CYFIP2: variants seen among roughly 807,000 people sequenced by gnomAD.
CYFIP2 encodes the protein cytoplasmic FMR1 interacting protein 2, also known as cytoplasmic FMR1-interacting protein 2.
A neutral mutation model predicts 158.7 loss-of-function variants in CYFIP2; 29 were observed. That is an observed-to-expected ratio of 0.18 (90% CI 0.14 to 0.25). The LOEUF is 0.25. Among genes scored for constraint, CYFIP2 ranks in the 10% least tolerant of loss-of-function variants. The pLI, the probability that CYFIP2 is intolerant of heterozygous loss-of-function variation, is 1.00. For missense variants in CYFIP2, 852 were observed against 1,639.5 expected (o/e 0.52, Z 8.29); for synonymous variants, 585 against 617.6 (o/e 0.95, Z 0.78).
chr5:157,374,889 G>A (rs1765317357), intron 26 of CYFIP2, among the ~76,000 whole-genome samples: 1 of 152,218 alleles, frequency 6.6e-6, no homozygotes, highest in Non-Finnish European at 1.5e-5. Context: ...CTTTGCTGAT[G>A]CATCAACTGC....
In CYFIP2 at chr5:157,326,667, G is replaced by C. The variant is rs1222748734; in HGVS notation, c.2079+400G>C. 3.3e-5 allele frequency among the ~76,000 whole-genome samples: 5 copies of C among 152,242 alleles called. No individual in the cohort carries two copies. The East Asian group carries it at 5.8e-4, about 18-fold the overall frequency. On this transcript the variant is annotated intron_variant, in intron 18 of 30. Coordinates refer to ENST00000620254, the MANE Select transcript of CYFIP2 (RefSeq NM_001037333.3). ...GAAGAGAGCACGTGGCCCTGGAAGA[G>C]GCTTGAGCCGCCTGTAGAAGGCTTC...
intron 16 of CYFIP2, 117 bp from the exon 17 acceptor site, chr5:157,325,365 T>C (rs1760942053): frequency 8.7e-7 from 1 of 1,154,238 alleles, no homozygotes. Context: ...TAATCAATAT[T>C]AGTACCTGCT....
chr5:157,300,695 C>G lies in CYFIP2; in HGVS notation c.388-20C>G. On this transcript the variant is annotated intron_variant, in intron 5 of 30. Coordinates refer to ENST00000620254, the MANE Select transcript of CYFIP2 (RefSeq NM_001037333.3). ...ATAAGGGAGCACAGTGGACCTTACT[C>G]ACTGCCCCTCTGCCCCCAGCGCAAG... is the stretch of plus-strand genomic sequence containing the variant. 1 of 1,546,300 alleles carries G rather than the reference C, an allele frequency of 6.5e-7. No homozygotes were observed. The highest frequency in any genetic ancestry group is 8.7e-7 in the Non-Finnish European group (1 of 1,143,724).
chr5:157,338,190 T>A (rs552447984), intron 21 of CYFIP2, among the ~76,000 whole-genome samples: 3 of 152,346 alleles, frequency 2.0e-5, no homozygotes, highest in South Asian at 2.1e-4. Context: ...CATGTCCTGC[T>A]GTGTGCAGAT....
chr5:157,364,499 T>G (rs1416387839), intron 26 of CYFIP2: 1 of 152,178 alleles, frequency 6.6e-6, no homozygotes, highest in East Asian at 1.9e-4. Flanking sequence ...GTGAGAAAAC[T>G]GAGAACCAGA....
At position 157,387,143 on chromosome 5, in the gene CYFIP2, A is replaced by G. The variant is rs184053474; in HGVS notation, c.3208-2046A>G. Among the ~76,000 whole-genome samples the G allele has an allele frequency of 4.8e-3, 738 of 152,360 alleles. 10 individuals carry two copies. The highest frequency in any genetic ancestry group is 0.017 in the African/African-American group (687 of 41,586). On this transcript the variant is annotated intron_variant, in intron 28 of 30. Coordinates refer to ENST00000620254, the MANE Select transcript of CYFIP2 (RefSeq NM_001037333.3). ...TAATATGACTCAAATTGTTAAATAT[A>G]CATGTATACATTCACATACCTAAAC...
intron 5 of CYFIP2, among the ~76,000 whole-genome samples, chr5:157,298,397 T>C (rs1758426640): frequency 6.6e-6 from 1 of 152,138 alleles, no homozygotes; most frequent in Admixed American, 6.5e-5. Flanking sequence ...GGTGACACTA[T>C]CTCGGCTCAC....
chr5:157,286,756 G>A (rs1757426803), intron 2 of CYFIP2, among the ~76,000 whole-genome samples: 1 of 152,146 alleles, frequency 6.6e-6, no homozygotes, highest in South Asian at 2.1e-4. Flanking sequence ...GGCTTGTGGA[G>A]TTTAAGCATC....
Position 157,373,369 on chromosome 5 carries a change from CCAAGAACACCCCTT to C in CYFIP2, c.3040-9218_3040-9205del, listed in dbSNP as rs1765169244. ...ACCTTGGCCTTGTAATTCAAGGGCA[CCAAGAACACCCCTT>C]CAGCCCCCCAGAAAGAGCACTGCCA... is the stretch of plus-strand genomic sequence containing the variant. On this transcript the variant is annotated intron_variant, in intron 26 of 30. Coordinates refer to ENST00000620254, the MANE Select transcript of CYFIP2 (RefSeq NM_001037333.3). Among the ~76,000 whole-genome samples, 3 of 152,278 alleles carry C rather than the reference CCAAGAACACCCCTT, an allele frequency of 2.0e-5. No individual in the cohort carries two copies. In the South Asian group the frequency reaches 6.2e-4, roughly 32 times the overall value.
chr5:157,308,455 A>C (rs1040033227), intron 9 of CYFIP2, among the ~76,000 whole-genome samples: 1 of 152,164 alleles, frequency 6.6e-6, no homozygotes, highest in Non-Finnish European at 1.5e-5. Context: ...AAAAATTTGC[A>C]GTTAAACTAA....
chr5:157,343,096 G>A (rs773523721), intron 23 of CYFIP2: 36 of 1,614,078 alleles, frequency 2.2e-5, no homozygotes, highest in Non-Finnish European at 3.0e-5. Flanking sequence ...GGCCAGCCCT[G>A]TAAGACCATC....
chr5:157,395,529 G>A lies in CYFIP2; in HGVS notation c.*2529G>A, dbSNP rs1406816525. On this transcript the variant is annotated 3_prime_UTR_variant, in exon 31 of 31. Coordinates refer to ENST00000620254, the MANE Select transcript of CYFIP2 (RefSeq NM_001037333.3). ...ATGATATTTTGATTTGTATTTTGGG[G>A]GTACCTGTGTTGAGTTGATAAACAT... is the stretch of plus-strand genomic sequence containing the variant. The A allele has an allele frequency of 8.9e-5, 75 of 842,074 alleles. No individual in the cohort carries two copies. The highest frequency in any genetic ancestry group is 1.2e-4 in the Non-Finnish European group (72 of 584,656). 52.2% of individuals were successfully genotyped at this position (842,074 alleles called of 1,614,324 possible). A position where few individuals can be genotyped will look rare whatever the true frequency, so the allele number is the denominator to read the frequency against.
At chr5:157,314,209 T>C (rs1759956711) in intron 11 of CYFIP2, 135 bp from the exon 12 acceptor site, 2 of 1,167,690 alleles carry the variant, frequency 1.7e-6, no homozygotes, top group East Asian at 5.6e-5. Context: ...GCAAGGCACT[T>C]GTCTGAGCCT....
At position 157,341,106 on chromosome 5, in the gene CYFIP2, A is replaced by G; in HGVS notation, c.2622A>G (p.Pro874=). 6.2e-7 allele frequency: 1 copy of G among 1,614,028 alleles called. No homozygotes were observed. Among genetic ancestry groups the G allele is most frequent in the Non-Finnish European group, 8.5e-7 (1 of 1,179,880 alleles). Residue 874 remains proline, a synonymous_variant, in exon 23 of 31, where the codon CCA becomes CCG. Transcript: ENST00000620254. ...CTGCCATTCCTTTCACCCAAGAACC[A>G]CAACGAGACAAACCTGCCAACGTCC... is the stretch of plus-strand genomic sequence containing the variant. ...VRTAIPFTQE[P]QRDKPANVQP... is the part of the protein sequence containing the mutation.
intron 26 of CYFIP2, among the ~76,000 whole-genome samples, chr5:157,381,748 G>A (rs1468777901): frequency 6.6e-6 from 1 of 151,858 alleles, no homozygotes; most frequent in Non-Finnish European, 1.5e-5. Flanking sequence ...TCCATGCCCG[G>A]GGTAGAAGAA....
intron 4 of CYFIP2, chr5:157,296,399 G>A (rs944272175): frequency 1.9e-5 from 8 of 422,326 alleles, no homozygotes; most frequent in African/African-American, 1.6e-4. Context: ...TTCAAGACTA[G>A]CCTGGGCAAC....
chr5:157,314,502 C>T, intron 12 of CYFIP2, 39 bp downstream of exon 12: 1 of 1,593,356 alleles, frequency 6.3e-7, no homozygotes. Context: ...ACTGACCTCT[C>T]TTTCCTTGGA....
intron 19 of CYFIP2, 97 bp downstream of exon 19, chr5:157,328,146 T>C: frequency 8.2e-7 from 1 of 1,220,508 alleles, no homozygotes; most frequent in Non-Finnish European, 1.2e-6. Context: ...CTTTAGCACC[T>C]TAGGAAAACA....
At chr5:157,341,742 G>A (rs954834933) in intron 23 of CYFIP2, 1 of 157,418 alleles carries the variant, frequency 6.4e-6, no homozygotes, top group Non-Finnish European at 1.4e-5. Context: ...CTGTTTCTTA[G>A]TTGATTCACT....
Sources: gnomAD v4.1 joint callset for allele counts (sites outside exome capture counted in the v4.1 genomes callset) on GRCh38, gnomAD v4.1.1 for gene constraint, MANE v1.5 for transcripts, NCBI Gene and HGNC (gene_info 2026-07-23, HGNC 2026-07-21) for gene names.